The following CAMTA1 variants were observed in gnomAD, a reference collection of about 807,000 sequenced individuals.
CAMTA1 encodes the protein calmodulin binding transcription activator 1.
CAMTA1 carries 27 observed loss-of-function variants against 170.9 expected under a neutral mutation model. The observed-to-expected ratio is 0.16, with a 90% CI of 0.12 to 0.22. The LOEUF is 0.22. Among genes scored for constraint, CAMTA1 ranks in the 10% least tolerant of loss-of-function variants. The probability of loss-of-function intolerance (pLI) is 1.00; values close to 1 mark genes in which losing one functional copy is unlikely to be tolerated. For missense variants in CAMTA1, 1,619 were observed against 2,217.2 expected, an observed-to-expected ratio of 0.73 and a Z score of 5.42; for synonymous variants, 833 against 891.5, an observed-to-expected ratio of 0.93 and a Z score of 1.17.
intron 5 of CAMTA1, among the ~76,000 whole-genome samples, chr1:7,452,466 G>C (rs1443730225): frequency 6.6e-6 from 1 of 152,200 alleles, no homozygotes; most frequent in Non-Finnish European, 1.5e-5. Context: ...CCACTATCTT[G>C]TTCCAAAACA....
In CAMTA1 at chr1:7,456,714, T is replaced by C. The variant is rs1178077933; in HGVS notation, c.439-11116T>C. On this transcript the variant is annotated intron_variant, in intron 5 of 22. Transcript: ENST00000303635. This position sits in a 1 kb window ranked among gnomAD's most constrained non-coding sequence, Gnocchi z 4.9. ...AAAGGTGCAGGTCTCCAGCTCCCGC[T>C]TGGCTGGGCCTGTGCAGGGTGAGGA... is the stretch of plus-strand genomic sequence containing the variant. Among the ~76,000 whole-genome samples, 1 of 152,208 alleles carries C rather than the reference T, an allele frequency of 6.6e-6. No individual in the cohort carries two copies. Among genetic ancestry groups the C allele is most frequent in the Non-Finnish European group, 1.5e-5 (1 of 68,032 alleles).
intron 2 of CAMTA1, among the ~76,000 whole-genome samples, chr1:6,824,666 C>T (rs2148499521): frequency 6.6e-6 from 1 of 152,196 alleles, no homozygotes; most frequent in East Asian, 1.9e-4. Flanking sequence ...TATTTACGAA[C>T]AAAATAGTCA....
intron 6 of CAMTA1, among the ~76,000 whole-genome samples, chr1:7,581,450 CT>C (rs1329834195): frequency 6.6e-6 from 1 of 152,208 alleles, no homozygotes; most frequent in Non-Finnish European, 1.5e-5. Flanking sequence ...AAAATTAACT[CT>C]TTTTACCTAG....
rs1473591648 is a variant in CAMTA1, at chr1:7,139,051, A to T, written c.302+47680A>T. Among the ~76,000 whole-genome samples, 20 of 143,376 alleles carry T rather than the reference A, an allele frequency of 1.4e-4. No individual in the cohort carries two copies. In the East Asian group the frequency reaches 2.0e-3, roughly 14 times the overall value. 94.1% of individuals were successfully genotyped at this position (143,376 alleles called of 152,430 possible). A position where few individuals can be genotyped will look rare whatever the true frequency, so the allele number is the denominator to read the frequency against. On this transcript the variant is annotated intron_variant, in intron 4 of 22. Coordinates refer to ENST00000303635, the MANE Select transcript of CAMTA1 (RefSeq NM_015215.4). ...TATAAATTTATATTTATAAATATAT[A>T]TTTATATTTATTATTTGTTTATTTA...
chr1:7,172,966 T>C (rs1358416272), intron 4 of CAMTA1, among the ~76,000 whole-genome samples: 1 of 152,218 alleles, frequency 6.6e-6, no homozygotes, highest in African/African-American at 2.4e-5. Context: ...GAGCTAAAAT[T>C]AGATCCCTTC....
chr1:7,663,270 TCTGA>T (rs2095976659), intron 8 of CAMTA1, 79 bp from the exon 9 acceptor site: 1 of 1,487,102 alleles, frequency 6.7e-7, no homozygotes, highest in Non-Finnish European at 9.0e-7. Context: ...CGGTCCTAGC[TCTGA>T]CTCTCTTTTG....
intron 5 of CAMTA1, among the ~76,000 whole-genome samples, chr1:7,307,985 AT>A (rs548022374): frequency 8.0e-5 from 12 of 149,938 alleles, no homozygotes; most frequent in East Asian, 7.8e-4. Flanking sequence ...GGCCTAGAGA[AT>A]TTTTTTTTTC....
chr1:7,704,967 CGGGGCG>C (rs1297439979), intron 11 of CAMTA1, among the ~76,000 whole-genome samples: 34 of 7,152 alleles, frequency 4.8e-3, no homozygotes, highest in Non-Finnish European at 6.3e-3. Context: ...GGGGCGCGCG[CGGGGCG>C]GGGGCGGGGC....
intron 3 of CAMTA1, among the ~76,000 whole-genome samples, chr1:7,012,454 C>T (rs951865862): frequency 2.6e-5 from 4 of 152,146 alleles, no homozygotes; most frequent in East Asian, 3.9e-4. Context: ...TGGATCTTCC[C>T]GTCAGCATAC....
At chr1:6,914,116 T>C (rs965497166) in intron 3 of CAMTA1, among the ~76,000 whole-genome samples, 1 of 149,812 alleles carries the variant, frequency 6.7e-6, no homozygotes, top group African/African-American at 2.4e-5. Context: ...TTTTTTTTTT[T>C]TTTTTGAGAT....
chr1:7,557,593 T>C (rs1186330031), intron 6 of CAMTA1, among the ~76,000 whole-genome samples: 1 of 152,212 alleles, frequency 6.6e-6, no homozygotes, highest in Non-Finnish European at 1.5e-5. Flanking sequence ...GGTGAAGTAA[T>C]ACACATTCAT....
chr1:6,916,023 C>G (rs1680706759), intron 3 of CAMTA1, among the ~76,000 whole-genome samples: 1 of 152,184 alleles, frequency 6.6e-6, no homozygotes, highest in Non-Finnish European at 1.5e-5. Flanking sequence ...CCCTGAGTCT[C>G]CTGGGCATGC....
intron 6 of CAMTA1, among the ~76,000 whole-genome samples, chr1:7,559,618 G>T (rs920052564): frequency 1.3e-5 from 2 of 152,182 alleles, no homozygotes; most frequent in African/African-American, 4.8e-5. Context: ...TGTTGGAGGG[G>T]TCTGCACTGG....
At position 7,010,478 on chromosome 1, in the gene CAMTA1, G is replaced by C. The variant is rs746406037; in HGVS notation, c.235-80826G>C. On this transcript the variant is annotated intron_variant, in intron 3 of 22. Coordinates refer to ENST00000303635, the MANE Select transcript of CAMTA1 (RefSeq NM_015215.4). This position sits in a 1 kb window ranked among gnomAD's most constrained non-coding sequence, Gnocchi z 4.4. Reference sequence around the variant, plus strand: ...GAGACGCTTTCTGAACACAGTCTGCGTCCTTCCTTATTTTTTGTTATCTTG... The same window carrying C: ...GAGACGCTTTCTGAACACAGTCTGCCTCCTTCCTTATTTTTTGTTATCTTG... Among the ~76,000 whole-genome samples, 1 of 152,192 alleles carries C rather than the reference G, an allele frequency of 6.6e-6. No homozygotes were observed. Among genetic ancestry groups the C allele is most frequent in the African/African-American group, 2.4e-5 (1 of 41,454 alleles).
At chr1:7,408,275 A>C (rs1418262958) in intron 5 of CAMTA1, among the ~76,000 whole-genome samples, 1 of 152,254 alleles carries the variant, frequency 6.6e-6, no homozygotes, top group Non-Finnish European at 1.5e-5. Context: ...TGTCTGCGTT[A>C]GCTTTGCATC....
At position 7,644,585 on chromosome 1, in the gene CAMTA1, T is replaced by C. The variant is rs1173990024; in HGVS notation, c.664+4032T>C. 2.0e-5 allele frequency among the ~76,000 whole-genome samples: 3 copies of C among 151,512 alleles called. No individual in the cohort carries two copies. In the East Asian group the frequency reaches 5.8e-4, roughly 29 times the overall value. ...CCCATTCCTAGGGCTTTGCCTTCTT[T>C]TACATGGTCCAAAATGGCTACTCCA... On this transcript the variant is annotated intron_variant, in intron 7 of 22. Transcript: ENST00000303635.
intron 5 of CAMTA1, among the ~76,000 whole-genome samples, chr1:7,460,023 A>G (rs1031543556): frequency 6.6e-6 from 1 of 152,244 alleles, no homozygotes; most frequent in South Asian, 2.1e-4. Flanking sequence ...GGGCAGCGCC[A>G]TAAAATCACA....
chr1:7,097,830 G>T (rs1263269053), intron 4 of CAMTA1, among the ~76,000 whole-genome samples: 1 of 152,184 alleles, frequency 6.6e-6, no homozygotes, highest in African/African-American at 2.4e-5. Context: ...GTAGATGGTG[G>T]TTTCCAAGGG....
chr1:7,648,021 G>A (rs2095821430), intron 7 of CAMTA1, among the ~76,000 whole-genome samples: 1 of 152,120 alleles, frequency 6.6e-6, no homozygotes, highest in South Asian at 2.1e-4. Flanking sequence ...GGAGTTCAGG[G>A]CTGCAGTGAG....
Sources: gnomAD v4.1 joint callset for allele counts (sites outside exome capture counted in the v4.1 genomes callset) on GRCh38, gnomAD v4.1.1 for gene constraint, Gnocchi (gnomAD v3.1) non-coding constraint, MANE v1.5 for transcripts, NCBI Gene and HGNC (gene_info 2026-07-23, HGNC 2026-07-21) for gene names.